The following RALA variants were observed in gnomAD, a reference collection of about 807,000 sequenced individuals.
RALA encodes the protein ras-related protein Ral-A.
RALA carries 5 observed loss-of-function variants against 24.0 expected under a neutral mutation model. The observed-to-expected ratio is 0.21, with a 90% confidence interval of 0.11 to 0.44. The LOEUF (loss-of-function observed/expected upper bound fraction) is 0.44, where lower values mean the gene tolerates loss of function less well. Ranked by LOEUF, RALA falls within the 20% of genes least tolerant of loss-of-function variation. RALA has a pLI of 0.99. For missense variants in RALA, 95 were observed against 241.2 expected (o/e 0.39, Z 4.01); for synonymous variants, 77 against 83.8 (o/e 0.92, Z 0.44).
intron 1 of RALA, among the ~76,000 whole-genome samples, chr7:39,627,940 A>C (rs986118037): frequency 4.6e-5 from 7 of 152,012 alleles, no homozygotes; most frequent in African/African-American, 1.7e-4. Context: ...TGTGCTCCTT[A>C]CCTAACTCTC....
At chr7:39,662,372 C>G (rs1792207565) in intron 1 of RALA, among the ~76,000 whole-genome samples, 1 of 152,044 alleles carries the variant, frequency 6.6e-6, no homozygotes, top group Non-Finnish European at 1.5e-5. Context: ...CTTTTTTTTC[C>G]TATTGCATTG....
chr7:39,650,613 G>A (rs1247362044), intron 1 of RALA, among the ~76,000 whole-genome samples: 3 of 151,972 alleles, frequency 2.0e-5, no homozygotes, highest in Admixed American at 6.6e-5. Flanking sequence ...TTTTCCTAAG[G>A]CGGGTTCTTG....
At chr7:39,668,282 G>A (rs1792318416) in intron 1 of RALA, among the ~76,000 whole-genome samples, 1 of 152,220 alleles carries the variant, frequency 6.6e-6, no homozygotes, top group South Asian at 2.1e-4. Context: ...TTTGGACAAT[G>A]TGCATGATAA....
intron 1 of RALA, among the ~76,000 whole-genome samples, chr7:39,637,408 T>G (rs960994386): frequency 1.3e-5 from 2 of 152,248 alleles, no homozygotes; most frequent in Non-Finnish European, 2.9e-5. Context: ...ACAATTCTTT[T>G]GAACACACCT....
intron 1 of RALA, among the ~76,000 whole-genome samples, chr7:39,659,196 T>C (rs936543828): frequency 6.6e-6 from 1 of 152,114 alleles, no homozygotes; most frequent in Non-Finnish European, 1.5e-5. Context: ...GGAGGATTGC[T>C]TGACCCCAGG....
At chr7:39,695,140 A>G (rs1792895803) in intron 3 of RALA, among the ~76,000 whole-genome samples, 1 of 151,464 alleles carries the variant, frequency 6.6e-6, no homozygotes, top group Non-Finnish European at 1.5e-5. Flanking sequence ...TAATTTTCTC[A>G]TTTTCTCTTA....
At chr7:39,655,716 G>A (rs1792084737) in intron 1 of RALA, among the ~76,000 whole-genome samples, 2 of 152,026 alleles carry the variant, frequency 1.3e-5, no homozygotes, top group Non-Finnish European at 2.9e-5. Flanking sequence ...GTTTCTTTGA[G>A]TTATGTCATG....
chr7:39,697,129 C>G (rs913679914), intron 4 of RALA, among the ~76,000 whole-genome samples: 1 of 152,082 alleles, frequency 6.6e-6, no homozygotes, highest in African/African-American at 2.4e-5. Context: ...TTTTTCCCCC[C>G]TTATCCTATT....
chr7:39,630,665 A>G (rs1358878558), intron 1 of RALA, among the ~76,000 whole-genome samples: 1 of 152,162 alleles, frequency 6.6e-6, no homozygotes, highest in Non-Finnish European at 1.5e-5. Context: ...ATTTAGTTCC[A>G]TTCAGAGTTT....
Position 39,690,726 on chromosome 7 carries a change from T to C in RALA, c.323+136T>C, listed in dbSNP as rs578159260. On this transcript the variant is annotated intron_variant, in intron 3 of 4. Coordinates refer to ENST00000005257, the MANE Select transcript of RALA (RefSeq NM_005402.4). ...AATTGTGTTTATTCCCTTTTTGATA[T>C]CAGTATATGACTCTCTCTACTGTGT... The C allele has an allele frequency of 1.9e-5, 13 of 679,200 alleles. No individual in the cohort carries two copies. The African/African-American group carries it at 2.0e-4, about 10-fold the overall frequency. 42.1% of individuals were successfully genotyped at this position (679,200 alleles called of 1,614,324 possible).
intron 1 of RALA, among the ~76,000 whole-genome samples, chr7:39,670,400 G>A (rs1196735761): frequency 6.6e-6 from 1 of 152,162 alleles, no homozygotes; most frequent in African/African-American, 2.4e-5. Context: ...TCCCACCTCA[G>A]CCTCCCAAAA....
At chr7:39,647,123 G>A (rs911383408) in intron 1 of RALA, among the ~76,000 whole-genome samples, 1 of 152,102 alleles carries the variant, frequency 6.6e-6, no homozygotes, top group Non-Finnish European at 1.5e-5. Context: ...GCTCTTTGCA[G>A]CCTCGACCTC....
At chr7:39,699,201 C>T (rs964607453) in intron 4 of RALA, among the ~76,000 whole-genome samples, 6 of 123,670 alleles carry the variant, frequency 4.9e-5, no homozygotes, top group South Asian at 2.7e-4. Flanking sequence ...ACTGCAGTGG[C>T]GCAATCTCGG....
intron 4 of RALA, among the ~76,000 whole-genome samples, chr7:39,699,121 ATTTTTT>A (rs71560137): frequency 1.8e-4 from 11 of 61,364 alleles, no homozygotes; most frequent in Admixed American, 3.9e-4. Flanking sequence ...TAAAAATGTT[ATTTTTT>A]TTTTTTTTTT....
chr7:39,693,040 C>T (rs1373945774), intron 3 of RALA, among the ~76,000 whole-genome samples: 2 of 152,158 alleles, frequency 1.3e-5, no homozygotes, highest in African/African-American at 2.4e-5. Context: ...AATAGAAATA[C>T]CATTTGACCC....
chr7:39,646,867 C>T (rs1791933062), intron 1 of RALA, among the ~76,000 whole-genome samples: 1 of 151,884 alleles, frequency 6.6e-6, no homozygotes. Context: ...TATATGGTTT[C>T]CATTATAAAC....
At chr7:39,662,655 A>G (rs1792212986) in intron 1 of RALA, among the ~76,000 whole-genome samples, 2 of 152,076 alleles carry the variant, frequency 1.3e-5, no homozygotes, top group Admixed American at 1.3e-4. Context: ...CCTGGATTTC[A>G]TTGTCTATAT....
intron 1 of RALA, among the ~76,000 whole-genome samples, chr7:39,624,961 C>T (rs1166121658): frequency 6.6e-6 from 1 of 152,016 alleles, no homozygotes; most frequent in African/African-American, 2.4e-5. Context: ...TATTCTAAAC[C>T]GACTCCTGTA....
chr7:39,628,375 C>T (rs1345321556), intron 1 of RALA, among the ~76,000 whole-genome samples: 1 of 73,398 alleles, frequency 1.4e-5, no homozygotes, highest in Non-Finnish European at 2.6e-5. Flanking sequence ...AACCTCATAA[C>T]TACACACACA....
Sources: gnomAD v4.1 joint callset for allele counts (sites outside exome capture counted in the v4.1 genomes callset) on GRCh38, gnomAD v4.1.1 for gene constraint, MANE v1.5 for transcripts, NCBI Gene and HGNC (gene_info 2026-07-23, HGNC 2026-07-21) for gene names.